Variants in LRCH3 observed in about 807,000 individuals in gnomAD.
LRCH3 encodes DISP complex protein LRCH3.
LRCH3 carries 68 observed loss-of-function variants against 104.5 expected under a neutral mutation model. That is an observed-to-expected ratio of 0.65 (90% CI 0.54 to 0.80). The LOEUF is 0.80. Among genes scored for constraint, LRCH3 ranks in the 30% least tolerant of loss-of-function variants. The pLI, the probability that LRCH3 is intolerant of heterozygous loss-of-function variation, is 0.00. For missense variants in LRCH3, 951 were observed against 953.9 expected, an observed-to-expected ratio of 1.00 and a Z score of 0.04; for synonymous variants, 344 against 361.3, an observed-to-expected ratio of 0.95 and a Z score of 0.54.
intron 4 of LRCH3, among the ~76,000 whole-genome samples, chr3:197,825,514 C>T (rs1472580436): frequency 1.2e-5 from 1 of 81,174 alleles, no homozygotes; most frequent in Non-Finnish European, 2.1e-5. Context: ...GAGTCTTGCT[C>T]TGTCTCCCAG....
At position 197,883,293 on chromosome 3, in the gene LRCH3, CTACT is replaced by C; in HGVS notation, c.2209-246_2209-243del. ...CCTCTGTTGTATGTATAGATATATG[CTACT>C]TGTCAATTTTCCAATTTTGAAAATG... On this transcript the variant is annotated intron_variant, in intron 20 of 20. Transcript: ENST00000425562. The surrounding 1 kb of genome is among the most constrained non-coding windows in gnomAD (Gnocchi z 4.2). 1 of 1,273,980 alleles carries C rather than the reference CTACT, an allele frequency of 7.8e-7. No individual in the cohort carries two copies. Among genetic ancestry groups the C allele is most frequent in the Non-Finnish European group, 9.9e-7 (1 of 1,005,476 alleles). The allele number at this position is 1,273,980 out of a possible 1,614,324, so 78.9% of individuals were successfully genotyped here.
intron 1 of LRCH3, among the ~76,000 whole-genome samples, chr3:197,792,606 A>ATATATATAT (rs1233845852): frequency 5.3e-5 from 2 of 37,948 alleles, no homozygotes; most frequent in Non-Finnish European, 1.3e-4. Flanking sequence ...TATATATATA[A>ATATATATAT]AATATACATA....
In LRCH3 at chr3:197,841,548, T is replaced by C. The variant is rs1176391765; in HGVS notation, c.1328+2151T>C. Among the ~76,000 whole-genome samples, 3 of 152,372 alleles carry C rather than the reference T, an allele frequency of 2.0e-5. No individual in the cohort carries two copies. The East Asian group carries it at 5.8e-4, about 29-fold the overall frequency. ...CTTAATTTCATCTGCAAAGCCTTTT[T>C]TAAATGTAATACAACAGCATTCACT... On this transcript the variant is annotated intron_variant, in intron 10 of 20. Coordinates refer to ENST00000425562, the MANE Select transcript of LRCH3 (RefSeq NM_001365715.1).
chr3:197,864,122 C>T (rs1011508220), intron 15 of LRCH3, among the ~76,000 whole-genome samples: 3 of 150,586 alleles, frequency 2.0e-5, no homozygotes, highest in Non-Finnish European at 3.0e-5. Flanking sequence ...GCCTGACCAA[C>T]ATGGAGAAAC....
At position 197,839,355 on chromosome 3, in the gene LRCH3, T is replaced by C. The variant is rs1251947417; in HGVS notation, c.1286T>C (p.Phe429Ser). ...SPVKPVAIRE[F>S]QKTEDMRRYL... ...GTAAAGCCAGTAGCCATTAGGGAGT[T>C]TCAAAAAACAGAAGATATGAGAAGA... The change falls in exon 10 of 21, where the codon TTT becomes TCT. Residue 429 changes from phenylalanine (F) to serine (S), a missense_variant. Coordinates refer to ENST00000425562, the MANE Select transcript of LRCH3 (RefSeq NM_001365715.1). 1 of 1,593,390 alleles carries C rather than the reference T, an allele frequency of 6.3e-7. No individual in the cohort carries two copies. Among genetic ancestry groups the C allele is most frequent in the South Asian group, 1.1e-5 (1 of 87,298 alleles).
intron 19 of LRCH3, among the ~76,000 whole-genome samples, chr3:197,874,381 G>A (rs1712612301): frequency 6.6e-6 from 1 of 152,190 alleles, no homozygotes; most frequent in Admixed American, 6.5e-5. Context: ...TAGGCCACGG[G>A]CTCCTTATGA....
Position 197,812,504 on chromosome 3 carries a change from G to GTTTTTTT in LRCH3, c.263-2384_263-2378dup, listed in dbSNP as rs71623380. Among the ~76,000 whole-genome samples the GTTTTTTT allele has an allele frequency of 1.3e-3, 66 of 48,972 alleles. 16 individuals carry two copies. Among genetic ancestry groups the GTTTTTTT allele is most frequent in the African/African-American group, 4.9e-3 (62 of 12,606 alleles). 32.1% of individuals were successfully genotyped at this position (48,972 alleles called of 152,430 possible). On this transcript the variant is annotated intron_variant, in intron 1 of 20. Coordinates refer to ENST00000425562, the MANE Select transcript of LRCH3 (RefSeq NM_001365715.1). ...ATATCTGTTCAAGTCTCTGCTTTCA[G>GTTTTTTT]TTTTTTTTTTTTTTTTTTTTTTTTT...
At position 197,854,083 on chromosome 3, in the gene LRCH3, G is replaced by A. The variant is rs1402518940; in HGVS notation, c.1591-309G>A. On this transcript the variant is annotated intron_variant, in intron 13 of 20. Coordinates refer to ENST00000425562, the MANE Select transcript of LRCH3 (RefSeq NM_001365715.1). This position sits in a 1 kb window ranked among gnomAD's most constrained non-coding sequence, Gnocchi z 4.5. ...CTTGTTTGTTACTGGCTCACTAAATGACCATAGGTTCTTTATGTTATTGTT... is the reference window on the plus strand; with the variant it reads ...CTTGTTTGTTACTGGCTCACTAAATAACCATAGGTTCTTTATGTTATTGTT... 3.3e-5 allele frequency among the ~76,000 whole-genome samples: 5 copies of A among 152,044 alleles called. No individual in the cohort carries two copies. The highest frequency in any genetic ancestry group is 1.2e-4 in the African/African-American group (5 of 41,414).
At position 197,854,820 on chromosome 3, in the gene LRCH3, G is replaced by T. The variant is rs1251738355; in HGVS notation, c.1644+375G>T. On this transcript the variant is annotated intron_variant, in intron 14 of 20. Coordinates refer to ENST00000425562, the MANE Select transcript of LRCH3 (RefSeq NM_001365715.1). The surrounding 1 kb of genome is among the most constrained non-coding windows in gnomAD (Gnocchi z 4.5). The stretch of plus-strand genomic sequence containing the variant: ...GTTAAGGTGACTCATGACACTGATT[G>T]CACAGCTGTATATTTGGCATCCAAT... Among the ~76,000 whole-genome samples the T allele has an allele frequency of 6.6e-6, 1 of 152,138 alleles. No individual in the cohort carries two copies. The highest frequency in any genetic ancestry group is 1.5e-5 in the Non-Finnish European group (1 of 68,022).
chr3:197,839,891 C>A (rs781306873), intron 10 of LRCH3, among the ~76,000 whole-genome samples: 2 of 150,152 alleles, frequency 1.3e-5, no homozygotes, highest in African/African-American at 4.9e-5. Flanking sequence ...GAGGATCGCT[C>A]GAACTGGGAG....
intron 1 of LRCH3, among the ~76,000 whole-genome samples, chr3:197,796,139 G>C (rs1731190794): frequency 6.6e-6 from 1 of 152,186 alleles, no homozygotes; most frequent in Admixed American, 6.5e-5. Flanking sequence ...ATAGCCAATA[G>C]CTTTAGAGGT....
chr3:197,866,005 T>C (rs1188965029), intron 16 of LRCH3, 107 bp from the exon 17 acceptor site: 1 of 800,692 alleles, frequency 1.2e-6, no homozygotes, highest in African/African-American at 1.7e-5. Flanking sequence ...TAGAATTATT[T>C]TATATCATTG....
chr3:197,879,509 G>A (rs529840776), intron 20 of LRCH3, among the ~76,000 whole-genome samples: 7 of 151,572 alleles, frequency 4.6e-5, no homozygotes, highest in Middle Eastern at 3.4e-3. Context: ...AGCCGGGCGT[G>A]GTGGCGGGCG....
intron 17 of LRCH3, among the ~76,000 whole-genome samples, chr3:197,867,535 T>G (rs1430526177): frequency 6.6e-6 from 1 of 151,662 alleles, no homozygotes; most frequent in Non-Finnish European, 1.5e-5. Flanking sequence ...CTGTGCAACA[T>G]GGCAAAACCC....
chr3:197,851,390 G>A (rs1180888732), intron 12 of LRCH3, among the ~76,000 whole-genome samples: 4 of 152,150 alleles, frequency 2.6e-5, no homozygotes, highest in African/African-American at 4.8e-5. Flanking sequence ...ATTGACTTGC[G>A]TTAGAACTGG....
chr3:197,862,170 A>G (rs1032915903), intron 15 of LRCH3, among the ~76,000 whole-genome samples: 20 of 151,928 alleles, frequency 1.3e-4, no homozygotes, highest in African/African-American at 4.8e-4. Context: ...TAATTTTTGT[A>G]TTTTTAGTAG....
At chr3:197,792,577 T>TTTTATATATATATATATA (rs1553912028) in intron 1 of LRCH3, among the ~76,000 whole-genome samples, 5 of 20,344 alleles carry the variant, frequency 2.5e-4, no homozygotes, top group African/African-American at 5.8e-4. Flanking sequence ...CCAGCTAATT[T>TTTTATATATATATATATA]TATATATATA....
At chr3:197,826,320 G>A (rs957629507) in intron 4 of LRCH3, among the ~76,000 whole-genome samples, 3 of 152,128 alleles carry the variant, frequency 2.0e-5, no homozygotes, top group Non-Finnish European at 4.4e-5. Context: ...AGTAGGATAG[G>A]GTGGGGTGAG....
intron 1 of LRCH3, among the ~76,000 whole-genome samples, chr3:197,796,537 A>G (rs1731227478): frequency 6.6e-6 from 1 of 152,244 alleles, no homozygotes; most frequent in Non-Finnish European, 1.5e-5. Context: ...GTAAGACTAG[A>G]AAGATGGTAA....
Sources: gnomAD v4.1 joint callset for allele counts (sites outside exome capture counted in the v4.1 genomes callset) on GRCh38, gnomAD v4.1.1 for gene constraint, Gnocchi (gnomAD v3.1) non-coding constraint, MANE v1.5 for transcripts, NCBI Gene and HGNC (gene_info 2026-07-23, HGNC 2026-07-21) for gene names.